SLC25A48: variants seen among roughly 807,000 people sequenced by gnomAD.
The protein encoded by SLC25A48 is CTC-321K16.1.
Under a neutral mutation model 32.2 loss-of-function variants are expected in SLC25A48, and 29 were observed. The ratio of observed to expected loss-of-function variants is 0.90; its 90% CI spans 0.67 to 1.23. SLC25A48 has a LOEUF of 1.23. SLC25A48 is among the 50% of genes most tolerant of loss of function. SLC25A48 has a pLI of 0.00. For synonymous variants in SLC25A48, 164 were observed against 172.3 expected (o/e 0.95, Z 0.38); for missense variants, 399 against 422.7 (o/e 0.94, Z 0.49).
At chr5:135,815,759 A>G (rs1757700829) in intron 4 of SLC25A48, among the ~76,000 whole-genome samples, 6 of 152,192 alleles carry the variant, frequency 3.9e-5, no homozygotes. Flanking sequence ...ACCTTCCCAG[A>G]GTGCAGATAT....
chr5:135,641,083 A>G (rs950180225), intron 3 of SLC25A48, among the ~76,000 whole-genome samples: 5 of 152,244 alleles, frequency 3.3e-5, no homozygotes, highest in Admixed American at 2.6e-4. Flanking sequence ...TCTTGTATGT[A>G]GAAAATCTTG....
chr5:135,613,111 C>G (rs1209604432), intron 1 of SLC25A48, among the ~76,000 whole-genome samples: 1 of 152,140 alleles, frequency 6.6e-6, no homozygotes, highest in Non-Finnish European at 1.5e-5. Context: ...TTAATGATAG[C>G]CATTCTAACT....
chr5:135,705,645 A>C (rs528023221), intron 3 of SLC25A48, among the ~76,000 whole-genome samples: 177 of 152,332 alleles, frequency 1.2e-3, no homozygotes, highest in African/African-American at 4.1e-3. Context: ...AAGTACCTGT[A>C]TATAGTTGGC....
At chr5:135,739,276 C>A (rs982400625) in intron 3 of SLC25A48, among the ~76,000 whole-genome samples, 4 of 152,170 alleles carry the variant, frequency 2.6e-5, no homozygotes, top group South Asian at 2.1e-4. Context: ...CACCATCATG[C>A]CTGGCTAATT....
chr5:135,613,383 C>G (rs1752117679), intron 1 of SLC25A48, among the ~76,000 whole-genome samples: 1 of 152,058 alleles, frequency 6.6e-6, no homozygotes, highest in South Asian at 2.1e-4. Context: ...AACAGAGTGC[C>G]TCTTCACTCT....
rs550254223 is a variant in SLC25A48 at position 135,780,377 on chromosome 5, C to T, written c.-520-32146C>T. ...CTGGGATTACAGGCGTGAGCCACCG[C>T]GCCTGGTCAGATATTGTTTCTTATA... On this transcript the variant is annotated intron_variant, in intron 3 of 10. Coordinates refer to the SLC25A48 transcript ENST00000646290. 4.3e-5 allele frequency among the ~76,000 whole-genome samples: 5 copies of T among 116,630 alleles called. 1 individual carries two copies. Among genetic ancestry groups the T allele is most frequent in the South Asian group, 3.0e-4 (1 of 3,308 alleles). The allele number at this position is 116,630 out of a possible 152,430, so 76.5% of individuals were successfully genotyped here.
chr5:135,611,501 A>AAAAAAAAAAAAAAAAAAAAAAAAAAAG (rs1752065325), intron 1 of SLC25A48, among the ~76,000 whole-genome samples: 1 of 97,198 alleles, frequency 1.0e-5, no homozygotes, highest in African/African-American at 4.4e-5. Context: ...CATCTCAAAA[A>AAAAAAAAAAAAAAAAAAAAAAAAAAAG]AAAAAAAAAA....
chr5:135,687,809 G>A (rs79553470), intron 3 of SLC25A48, among the ~76,000 whole-genome samples: 2,157 of 152,222 alleles, frequency 0.014, 49 homozygotes, highest in African/African-American at 0.05. Flanking sequence ...ACTTTTGTCT[G>A]TTTTTGTCCT....
chr5:135,868,661 TACAC>T (rs71819151), intron 4 of SLC25A48, among the ~76,000 whole-genome samples: 16,187 of 126,398 alleles, frequency 0.13, 1,088 homozygotes, highest in Middle Eastern at 0.2. Flanking sequence ...TCTATGTGTA[TACAC>T]ACACACACAC....
chr5:135,677,645 G>C (rs1753803066), intron 3 of SLC25A48, among the ~76,000 whole-genome samples: 1 of 152,062 alleles, frequency 6.6e-6, no homozygotes. Flanking sequence ...TTTCAAGATG[G>C]TATATGTCAC....
At chr5:135,773,416 GGAT>G (rs773572315) in intron 3 of SLC25A48, among the ~76,000 whole-genome samples, 38 of 151,244 alleles carry the variant, frequency 2.5e-4, no homozygotes, top group Non-Finnish European at 4.3e-4. Context: ...AGGGGGCAGA[GGAT>G]GATATTACTC....
chr5:135,664,841 T>G (rs1246703925), intron 3 of SLC25A48, among the ~76,000 whole-genome samples: 1 of 152,224 alleles, frequency 6.6e-6, no homozygotes, highest in African/African-American at 2.4e-5. Context: ...GTGCTTAGGT[T>G]GGTTCCATAT....
chr5:135,873,006 G>T (rs187186246), intron 5 of SLC25A48, among the ~76,000 whole-genome samples: 4 of 152,338 alleles, frequency 2.6e-5, no homozygotes, highest in Non-Finnish European at 5.9e-5. Context: ...GCAGAGAGCA[G>T]GTGTGAATGG....
At chr5:135,781,306 G>A (rs1561490223) in intron 3 of SLC25A48, among the ~76,000 whole-genome samples, 2 of 116,410 alleles carry the variant, frequency 1.7e-5, no homozygotes, top group East Asian at 4.3e-4. Context: ...TATCTAAATC[G>A]TAATATGCAG....
At chr5:135,590,530 T>A (rs74379822) in intron 1 of SLC25A48, among the ~76,000 whole-genome samples, 3 of 151,340 alleles carry the variant, frequency 2.0e-5, no homozygotes, top group Non-Finnish European at 2.9e-5. Flanking sequence ...TTTGTGTGGG[T>A]TTTTTTTTCC....
intron 3 of SLC25A48, among the ~76,000 whole-genome samples, chr5:135,796,080 C>T (rs1201853174): frequency 6.6e-6 from 1 of 151,308 alleles, no homozygotes; most frequent in Non-Finnish European, 1.5e-5. Flanking sequence ...GATGATATTA[C>T]ACCACTTATC....
intron 1 of SLC25A48, among the ~76,000 whole-genome samples, chr5:135,603,581 A>C (rs546048599): frequency 5.3e-4 from 80 of 152,258 alleles, no homozygotes; most frequent in African/African-American, 1.7e-3. Flanking sequence ...GGTGCGAGCC[A>C]GCTCAGGGCC....
intron 2 of SLC25A48, 31 bp from the exon 3 acceptor site, chr5:135,850,394 C>T (rs948152625): frequency 2.5e-5 from 41 of 1,611,530 alleles, no homozygotes; most frequent in East Asian, 8.9e-5. Flanking sequence ...ATAACCTCTG[C>T]GCTGACCCAT....
intron 3 of SLC25A48, among the ~76,000 whole-genome samples, chr5:135,635,543 C>T (rs1040510120): frequency 6.6e-6 from 1 of 152,220 alleles, no homozygotes; most frequent in South Asian, 2.1e-4. Flanking sequence ...TGCTTTAGTG[C>T]AGGATTTCAT....
Sources: gnomAD v4.1 joint callset for allele counts (sites outside exome capture counted in the v4.1 genomes callset) on GRCh38, gnomAD v4.1.1 for gene constraint, MANE v1.5 for transcripts, NCBI Gene and HGNC (gene_info 2026-07-23, HGNC 2026-07-21) for gene names.